The following ZNF738 variants were observed in gnomAD, a reference collection of about 807,000 sequenced individuals.
The protein encoded by ZNF738 is zinc finger protein 738.
A neutral mutation model predicts 9.2 loss-of-function variants in ZNF738; 10 were observed. That is an observed-to-expected ratio of 1.09 (90% CI 0.67 to 1.85). ZNF738 has a LOEUF of 1.85. Ranked by LOEUF, ZNF738 falls within the 40% of genes most tolerant of loss-of-function variation. The pLI is 0.00. For synonymous variants in ZNF738, 113 were observed against 94.5 expected (o/e 1.20, Z -1.14); for missense variants, 346 against 283.6 (o/e 1.22, Z -1.58).
rs2968032 is a variant in ZNF738, at chr19:21,370,055, G to A, written c.97-5183G>A. Among the ~76,000 whole-genome samples, 53 of 152,114 alleles carry A rather than the reference G, an allele frequency of 3.5e-4. No individual in the cohort carries two copies. In the East Asian group the frequency reaches 6.6e-3, roughly 19 times the overall value. On this transcript the variant is annotated intron_variant, in intron 2 of 4. Coordinates refer to ENST00000683779, the MANE Select transcript of ZNF738 (RefSeq NM_001355237.2). Reference sequence around the variant, plus strand: ...TCTTGAACTCCTGACCTCATGATCCGCCAACCTCGGCCTCCCAAAGTGCTG... The same window carrying A: ...TCTTGAACTCCTGACCTCATGATCCACCAACCTCGGCCTCCCAAAGTGCTG...
chr19:21,362,097 GATA>G (rs55672173), intron 2 of ZNF738, among the ~76,000 whole-genome samples: 24,968 of 147,496 alleles, frequency 0.17, 2,296 homozygotes, highest in Non-Finnish European at 0.21. Flanking sequence ...TAATAATAAT[GATA>G]ATAATAATAA....
chr19:21,362,012 G>A (rs1258969257), intron 2 of ZNF738, among the ~76,000 whole-genome samples, 154 bp downstream of exon 2: 1 of 151,842 alleles, frequency 6.6e-6, no homozygotes, highest in Non-Finnish European at 1.5e-5. Context: ...ATCCCGGGAG[G>A]CAGAGGTTGT....
chr19:21,381,474 C>T, intron 4 of ZNF738: 1 of 1,155,374 alleles, frequency 8.7e-7, no homozygotes, highest in Non-Finnish European at 1.3e-6. Flanking sequence ...TTTACACCTA[C>T]AAGCTCAGGC....
At chr19:21,373,404 T>A (rs1395581051) in intron 2 of ZNF738, among the ~76,000 whole-genome samples, 1 of 152,230 alleles carries the variant, frequency 6.6e-6, no homozygotes, top group African/African-American at 2.4e-5. Context: ...GTTCCACCTT[T>A]GCACTAAAAG....
chr19:21,382,387 C>T (rs112343569), intron 4 of ZNF738, among the ~76,000 whole-genome samples: 1 of 152,004 alleles, frequency 6.6e-6, no homozygotes, highest in Non-Finnish European at 1.5e-5. Context: ...TACAGGCACA[C>T]ACCACCATGC....
chr19:21,383,858 C>G lies in ZNF738; in HGVS notation c.*184C>G. Reference sequence around the variant, plus strand: ...GTGGAGAATGTGGCAAAGCTTTCTTCAGATTCTCATACCTTACTACACATA... The same window carrying G: ...GTGGAGAATGTGGCAAAGCTTTCTTGAGATTCTCATACCTTACTACACATA... On this transcript the variant is annotated 3_prime_UTR_variant, in exon 5 of 5. Transcript: ENST00000683779. The G allele has an allele frequency of 7.4e-7, 1 of 1,348,468 alleles. No homozygotes were observed. Among genetic ancestry groups the G allele is most frequent in the Non-Finnish European group, 1.1e-6 (1 of 948,318 alleles). The allele number at this position is 1,348,468 out of a possible 1,614,324, so 83.5% of individuals were successfully genotyped here.
In ZNF738 at chr19:21,385,797, T is replaced by C. The variant is rs1974059754; in HGVS notation, c.*2123T>C. Among the ~76,000 whole-genome samples, 1 of 151,936 alleles carries C rather than the reference T, an allele frequency of 6.6e-6. No homozygotes were observed. The highest frequency in any genetic ancestry group is 1.5e-5 in the Non-Finnish European group (1 of 67,970). Reference sequence around the variant, plus strand: ...GTGAAGAATGTGGCAAAGGTTTTTATTGATTCTCATACTTTACTAAAAATA... The same window carrying C: ...GTGAAGAATGTGGCAAAGGTTTTTACTGATTCTCATACTTTACTAAAAATA... On this transcript the variant is annotated 3_prime_UTR_variant, in exon 5 of 5. Transcript: ENST00000683779.
At chr19:21,377,304 CT>C in intron 4 of ZNF738, 1 of 531,888 alleles carries the variant, frequency 1.9e-6, no homozygotes, top group Non-Finnish European at 3.3e-6. Flanking sequence ...CAAACTCCAT[CT>C]AAAAAAAAAA....
In ZNF738 at chr19:21,386,236, AT is replaced by A. The variant is rs1974065497; in HGVS notation, c.*2565del. 2 of 292,014 alleles carry A rather than the reference AT, an allele frequency of 6.8e-6. No individual in the cohort carries two copies. The highest frequency in any genetic ancestry group is 1.4e-5 in the Non-Finnish European group (2 of 143,360). 18.1% of individuals were successfully genotyped at this position (292,014 alleles called of 1,614,324 possible). On this transcript the variant is annotated 3_prime_UTR_variant, in exon 5 of 5. Coordinates refer to ENST00000683779, the MANE Select transcript of ZNF738 (RefSeq NM_001355237.2). Reference sequence around the variant, plus strand: ...CCCTCAACTTTCTGCACATAAGATAATTTATACTGTGGAGAAGCCTTACAAA... The same window carrying A: ...CCCTCAACTTTCTGCACATAAGATAATTATACTGTGGAGAAGCCTTACAAA...
At position 21,383,078 on chromosome 19, in the gene ZNF738, T is replaced by C. The variant is rs1974024988; in HGVS notation, c.532T>C (p.Cys178Arg). 10 of 1,314,162 alleles carry C rather than the reference T, an allele frequency of 7.6e-6. No individual in the cohort carries two copies. The highest frequency in any genetic ancestry group is 9.9e-6 in the Non-Finnish European group (9 of 912,410). The allele number at this position is 1,314,162 out of a possible 1,614,324, so 81.4% of individuals were successfully genotyped here. A position where few individuals can be genotyped will look rare whatever the true frequency, so the allele number is the denominator to read the frequency against. ...AACTACCCAGAGCAAAATATTTCAA[T>C]GTGATAAATATGTGAAAGTCTTTCA... ...LTTTQSKIFQ[C>R]DKYVKVFHKF... Residue 178 changes from cysteine to arginine, a missense_variant, in exon 5 of 5, where the codon TGT becomes CGT. Cys to Arg is a radical substitution (Grantham distance 180). Coordinates refer to ENST00000683779, the MANE Select transcript of ZNF738 (RefSeq NM_001355237.2).
At position 21,386,244 on chromosome 19, in the gene ZNF738, T is replaced by C. The variant is rs1336922019; in HGVS notation, c.*2570T>C. 6.9e-6 allele frequency: 2 copies of C among 288,462 alleles called. No individual in the cohort carries two copies. Among genetic ancestry groups the C allele is most frequent in the Non-Finnish European group, 1.4e-5 (2 of 141,518 alleles). 17.9% of individuals were successfully genotyped at this position (288,462 alleles called of 1,614,324 possible). A position where few individuals can be genotyped will look rare whatever the true frequency, so the allele number is the denominator to read the frequency against. Reference sequence around the variant, plus strand: ...TTTCTGCACATAAGATAATTTATACTGTGGAGAAGCCTTACAAATGTGAAA... The same window carrying C: ...TTTCTGCACATAAGATAATTTATACCGTGGAGAAGCCTTACAAATGTGAAA... On this transcript the variant is annotated 3_prime_UTR_variant, in exon 5 of 5. Transcript: ENST00000683779.
At chr19:21,367,390 G>T (rs897018990) in intron 2 of ZNF738, among the ~76,000 whole-genome samples, 1 of 152,084 alleles carries the variant, frequency 6.6e-6, no homozygotes, top group Admixed American at 6.6e-5. Flanking sequence ...CACATAGATG[G>T]GCCTATGGGG....
At chr19:21,373,773 A>T (rs1321311404) in intron 2 of ZNF738, among the ~76,000 whole-genome samples, 2 of 147,274 alleles carry the variant, frequency 1.4e-5, no homozygotes, top group East Asian at 3.9e-4. Context: ...AAGAGGAAAA[A>T]TGGCTTTTTT....
At chr19:21,375,846 G>A (rs776349786) in intron 3 of ZNF738, 23 bp from the exon 4 acceptor site, 5 of 773,964 alleles carry the variant, frequency 6.5e-6, no homozygotes, top group Non-Finnish European at 1.2e-5. Flanking sequence ...CAAGATTCAT[G>A]TTATTTATTT....
intron 2 of ZNF738, among the ~76,000 whole-genome samples, chr19:21,365,563 G>A (rs1973765238): frequency 6.6e-6 from 1 of 152,104 alleles, no homozygotes; most frequent in African/African-American, 2.4e-5. Context: ...ATTTGAGGTA[G>A]AGAGGAGCTC....
In ZNF738 at chr19:21,359,072, T is replaced by G. The variant is rs1451118785; in HGVS notation, c.-69T>G. The G allele has an allele frequency of 4.3e-6, 4 of 925,258 alleles. No individual in the cohort carries two copies. The highest frequency in any genetic ancestry group is 7.2e-6 in the Non-Finnish European group (4 of 555,128). The allele number at this position is 925,258 out of a possible 1,614,324, so 57.3% of individuals were successfully genotyped here. On this transcript the variant is annotated 5_prime_UTR_variant, in exon 1 of 5. Transcript: ENST00000683779. ...GTCCTCTGCTCCTAGAGGCCCAGCC[T>G]CTGGTCCTGTGACCTGCAGGTATTG...
chr19:21,376,044 T>G (rs1424954304), intron 4 of ZNF738, 80 bp downstream of exon 4: 2 of 597,718 alleles, frequency 3.3e-6, no homozygotes, highest in East Asian at 5.7e-5. Flanking sequence ...CCCTATAATG[T>G]GATTTGGGAA....
At chr19:21,376,088 C>T (rs1428145104) in intron 4 of ZNF738, 124 bp downstream of exon 4, 3 of 503,776 alleles carry the variant, frequency 6.0e-6, no homozygotes, top group Non-Finnish European at 1.1e-5. Context: ...TCTGGGAAGC[C>T]TGAGGTGTGT....
chr19:21,373,616 T>C (rs1973884812), intron 2 of ZNF738, among the ~76,000 whole-genome samples: 1 of 152,214 alleles, frequency 6.6e-6, no homozygotes, highest in Non-Finnish European at 1.5e-5. Context: ...ATGGGTGTGC[T>C]TTTTCTGCAG....
Sources: gnomAD v4.1 joint callset for allele counts (sites outside exome capture counted in the v4.1 genomes callset) on GRCh38, gnomAD v4.1.1 for gene constraint, MANE v1.5 for transcripts, NCBI Gene and HGNC (gene_info 2026-07-23, HGNC 2026-07-21) for gene names.